Variants in SUPT3H observed in about 807,000 individuals in gnomAD.
SUPT3H encodes transcription initiation protein SPT3 homolog.
A neutral mutation model predicts 44.3 loss-of-function variants in SUPT3H; 44 were observed. The ratio of observed to expected loss-of-function variants is 0.99; its 90% CI spans 0.78 to 1.28. The LOEUF (loss-of-function observed/expected upper bound fraction) is 1.28, where lower values mean the gene tolerates loss of function less well. Among genes scored for constraint, SUPT3H ranks in the 50% most tolerant of loss-of-function variants. The pLI, the probability that SUPT3H is intolerant of heterozygous loss-of-function variation, is 0.00. For missense variants in SUPT3H, 380 were observed against 387.1 expected, an observed-to-expected ratio of 0.98 and a Z score of 0.15; for synonymous variants, 124 against 125.6, an observed-to-expected ratio of 0.99 and a Z score of 0.09.
At chr6:45,275,351 T>C (rs1389359028) in intron 2 of SUPT3H, among the ~76,000 whole-genome samples, 1 of 152,196 alleles carries the variant, frequency 6.6e-6, no homozygotes, top group African/African-American at 2.4e-5. Context: ...ATTTTTGAGA[T>C]GTATGTTTTA....
chr6:45,010,646 CTTG>C (rs1246477107), intron 5 of SUPT3H, among the ~76,000 whole-genome samples: 3 of 152,222 alleles, frequency 2.0e-5, no homozygotes, highest in South Asian at 2.1e-4. Context: ...ATGACATGAT[CTTG>C]TTGTATCCAC....
chr6:45,126,951 T>G (rs1802527657), intron 2 of SUPT3H, among the ~76,000 whole-genome samples: 2 of 152,226 alleles, frequency 1.3e-5, no homozygotes, highest in South Asian at 2.1e-4. Context: ...GTTCTGAAAA[T>G]TCTGACTTCC....
intron 5 of SUPT3H, among the ~76,000 whole-genome samples, chr6:45,006,303 T>G (rs1338786883): frequency 6.6e-6 from 1 of 152,122 alleles, no homozygotes; most frequent in Admixed American, 6.5e-5. Flanking sequence ...ATGACCGATA[T>G]ATTTCATTTT....
intron 2 of SUPT3H, among the ~76,000 whole-genome samples, chr6:45,142,837 G>A (rs1805465336): frequency 7.0e-6 from 1 of 143,500 alleles, no homozygotes; most frequent in Non-Finnish European, 1.5e-5. Flanking sequence ...TAACACATAA[G>A]GACTCACATA....
chr6:44,897,606 A>G lies in SUPT3H; in HGVS notation c.912+35047T>C, dbSNP rs558188215. Among the ~76,000 whole-genome samples, 5 of 152,332 alleles carry G rather than the reference A, an allele frequency of 3.3e-5. No homozygotes were observed. The South Asian group carries it at 8.3e-4, about 25-fold the overall frequency. ...AATCATAAAACCCTAAGCAAAGGCC[A>G]TGCTTCCATTTTTAGCTCTCTGTAC... On this transcript the variant is annotated intron_variant, in intron 10 of 10. Transcript: ENST00000371459.
chr6:45,033,669 G>A (rs1787281681), intron 3 of SUPT3H, among the ~76,000 whole-genome samples: 1 of 152,132 alleles, frequency 6.6e-6, no homozygotes. Context: ...ACTATATTGA[G>A]GAGTGTGTAA....
At chr6:45,060,100 T>C (rs1322795897) in intron 3 of SUPT3H, among the ~76,000 whole-genome samples, 2 of 152,064 alleles carry the variant, frequency 1.3e-5, no homozygotes, top group Admixed American at 1.3e-4. Flanking sequence ...AAAACTATTT[T>C]AAAATTCATA....
intron 10 of SUPT3H, among the ~76,000 whole-genome samples, chr6:44,871,340 CCT>C (rs1244287309): frequency 8.2e-5 from 1 of 12,134 alleles, no homozygotes; most frequent in Non-Finnish European, 1.8e-4. Context: ...GTCCCTGACC[CCT>C]GACCCCCGAG....
intron 9 of SUPT3H, among the ~76,000 whole-genome samples, chr6:44,945,454 G>A (rs371203474): frequency 1.3e-5 from 2 of 152,288 alleles, no homozygotes; most frequent in East Asian, 3.9e-4. Context: ...AAATAGCCAA[G>A]CTGTGAGTGC....
chr6:45,202,839 T>C (rs1025580568), intron 2 of SUPT3H, among the ~76,000 whole-genome samples: 3 of 152,130 alleles, frequency 2.0e-5, no homozygotes, highest in Non-Finnish European at 4.4e-5. Context: ...TTACACTGAC[T>C]TTCAGGTGCA....
At chr6:45,004,955 G>A (rs981675888) in intron 5 of SUPT3H, among the ~76,000 whole-genome samples, 1 of 152,096 alleles carries the variant, frequency 6.6e-6, no homozygotes, top group African/African-American at 2.4e-5. Context: ...CATAAACTTT[G>A]TTTCAGGTTT....
rs565271630 is a variant in SUPT3H at position 44,855,819 on chromosome 6, T to A, written c.913-25962A>T. ...TTACACTACCATTATTCTCGTTTAG[T>A]AACAATACTGAAAAGCTTCATACTG... On this transcript the variant is annotated intron_variant, in intron 10 of 10. Transcript: ENST00000371459. Among the ~76,000 whole-genome samples, 47 of 152,124 alleles carry A rather than the reference T, an allele frequency of 3.1e-4. 1 individual carries two copies. In the South Asian group the frequency reaches 9.4e-3, roughly 30 times the overall value.
At chr6:44,933,109 A>T (rs1770855405) in intron 9 of SUPT3H, among the ~76,000 whole-genome samples, 1 of 148,782 alleles carries the variant, frequency 6.7e-6, no homozygotes, top group South Asian at 2.2e-4. Context: ...TAAAAAAAAC[A>T]TTTTAACATT....
intron 2 of SUPT3H, among the ~76,000 whole-genome samples, chr6:45,174,466 C>T (rs1156318276): frequency 2.0e-5 from 3 of 152,018 alleles, no homozygotes; most frequent in African/African-American, 7.3e-5. Context: ...ATCTATGCTC[C>T]AAATCTAAGA....
At position 45,020,560 on chromosome 6, in the gene SUPT3H, T is replaced by C. The variant is rs201366656; in HGVS notation, c.259A>G (p.Met87Val). ...TGTTATATTACCTTATCTTTGCGCA[T>C]CAAAAACAGAAGATCTTCAGGAGTG... is the stretch of plus-strand genomic sequence containing the variant. ...VITPEDLLFL[M>V]RKDKKKLRRL... The change falls in exon 4 of 11, where the codon ATG (methionine) becomes GTG (valine). Residue 87 changes from methionine to valine, a missense_variant. Transcript: ENST00000371459. The C allele has an allele frequency of 1.9e-6, 3 of 1,610,880 alleles. No homozygotes were observed. The East Asian group carries it at 6.7e-5, about 36-fold the overall frequency.
intron 3 of SUPT3H, among the ~76,000 whole-genome samples, chr6:45,102,305 A>G (rs1798691747): frequency 2.0e-5 from 3 of 152,156 alleles, no homozygotes; most frequent in African/African-American, 7.2e-5. Flanking sequence ...CAAAAGAGGA[A>G]AACGTACAAG....
intron 10 of SUPT3H, among the ~76,000 whole-genome samples, chr6:44,927,263 G>GA (rs1435044386): frequency 3.3e-5 from 5 of 151,980 alleles, no homozygotes; most frequent in African/African-American, 1.2e-4. Flanking sequence ...TATATACAAA[G>GA]AAAAAGGGCA....
intron 2 of SUPT3H, among the ~76,000 whole-genome samples, chr6:45,290,229 A>G: frequency 6.6e-6 from 1 of 152,186 alleles, no homozygotes; most frequent in African/African-American, 2.4e-5. Flanking sequence ...GGACAAATTC[A>G]ATCTAAATTT....
intron 2 of SUPT3H, among the ~76,000 whole-genome samples, chr6:45,363,702 T>C (rs1794657138): frequency 6.6e-6 from 1 of 152,066 alleles, no homozygotes; most frequent in African/African-American, 2.4e-5. Context: ...AAAATGTATA[T>C]AAGCATAAAC....
Sources: allele counts gnomAD v4.1 joint callset (sites outside exome capture counted in the v4.1 genomes callset), GRCh38; gene constraint gnomAD v4.1.1; transcripts MANE v1.5; gene names NCBI Gene and HGNC (gene_info 2026-07-23, HGNC 2026-07-21).